PAPSS1: variants seen among roughly 807,000 people sequenced by gnomAD.
PAPSS1 encodes the protein bifunctional 3'-phosphoadenosine 5'-phosphosulfate synthase 1.
PAPSS1 carries 50 observed loss-of-function variants against 72.0 expected under a neutral mutation model. That is an observed-to-expected ratio of 0.69 (90% CI 0.55 to 0.88). The LOEUF is 0.88. Among genes scored for constraint, PAPSS1 ranks in the 40% least tolerant of loss-of-function variants. The probability of loss-of-function intolerance (pLI) is 0.00; values close to 1 mark genes in which losing one functional copy is unlikely to be tolerated. For missense variants in PAPSS1, 657 were observed against 782.2 expected (o/e 0.84, Z 1.91); for synonymous variants, 261 against 263.6 (o/e 0.99, Z 0.09).
chr4:107,686,263 A>G (rs564259588), intron 4 of PAPSS1, among the ~76,000 whole-genome samples: 3 of 152,300 alleles, frequency 2.0e-5, no homozygotes, highest in South Asian at 2.1e-4. Flanking sequence ...TGAACACCAA[A>G]ATGTGAGGAT....
At chr4:107,643,790 T>C (rs1158274089) in intron 10 of PAPSS1, among the ~76,000 whole-genome samples, 1 of 152,220 alleles carries the variant, frequency 6.6e-6, no homozygotes, top group Non-Finnish European at 1.5e-5. Context: ...TTTACTTGCA[T>C]CTATGAAAGA....
At chr4:107,711,683 T>G (rs1375435227) in intron 1 of PAPSS1, among the ~76,000 whole-genome samples, 1 of 152,218 alleles carries the variant, frequency 6.6e-6, no homozygotes, top group African/African-American at 2.4e-5. Flanking sequence ...AGACACAATA[T>G]GGATGAAACT....
chr4:107,640,254 A>G (rs1726500921), intron 10 of PAPSS1, among the ~76,000 whole-genome samples: 3 of 152,184 alleles, frequency 2.0e-5, no homozygotes, highest in Non-Finnish European at 4.4e-5. Flanking sequence ...TAGAAAGTTA[A>G]CACTCCCTTC....
intron 1 of PAPSS1, among the ~76,000 whole-genome samples, chr4:107,714,864 A>C (rs1433659270): frequency 6.6e-6 from 1 of 152,140 alleles, no homozygotes; most frequent in Non-Finnish European, 1.5e-5. Flanking sequence ...AAATCTGAAG[A>C]AGCAACTACG....
At chr4:107,692,627 A>C (rs890114161) in intron 3 of PAPSS1, among the ~76,000 whole-genome samples, 2 of 152,212 alleles carry the variant, frequency 1.3e-5, no homozygotes, top group African/African-American at 4.8e-5. Flanking sequence ...CAGCAATCCC[A>C]GTACTGAGTA....
chr4:107,685,671 T>C (rs1722764805), intron 4 of PAPSS1, among the ~76,000 whole-genome samples: 1 of 152,250 alleles, frequency 6.6e-6, no homozygotes, highest in East Asian at 1.9e-4. Flanking sequence ...TGATTCTCCA[T>C]AGTGGCATTA....
intron 1 of PAPSS1, among the ~76,000 whole-genome samples, chr4:107,709,189 A>G (rs1723424185): frequency 6.6e-6 from 1 of 152,256 alleles, no homozygotes; most frequent in Admixed American, 6.5e-5. Flanking sequence ...ATTAAAAAAT[A>G]AACTTAAAAA....
At chr4:107,633,534 T>C (rs1274289748) in intron 10 of PAPSS1, among the ~76,000 whole-genome samples, 3 of 151,996 alleles carry the variant, frequency 2.0e-5, no homozygotes, top group Non-Finnish European at 4.4e-5. Flanking sequence ...TGTGTGTGTA[T>C]GTGTGTAAAG....
At chr4:107,615,310 T>A (rs1725791639) in intron 11 of PAPSS1, among the ~76,000 whole-genome samples, 1 of 152,164 alleles carries the variant, frequency 6.6e-6, no homozygotes, top group African/African-American at 2.4e-5. Context: ...GATGGCCAAC[T>A]AGGACTCAGC....
At chr4:107,694,031 T>C (rs539074162) in intron 2 of PAPSS1, 25 bp from the exon 3 acceptor site, 2 of 1,487,602 alleles carry the variant, frequency 1.3e-6, no homozygotes, top group South Asian at 2.3e-5. Flanking sequence ...TCCAAACAGA[T>C]TCCATGTGTA....
intron 10 of PAPSS1, among the ~76,000 whole-genome samples, chr4:107,643,195 G>A (rs573151707): frequency 5.9e-4 from 90 of 152,306 alleles, no homozygotes; most frequent in Non-Finnish European, 1.1e-3. Flanking sequence ...CTGAATTACA[G>A]AAATACTAAA....
At chr4:107,648,891 G>C (rs1273255312) in intron 9 of PAPSS1, among the ~76,000 whole-genome samples, 1 of 152,146 alleles carries the variant, frequency 6.6e-6, no homozygotes, top group African/African-American at 2.4e-5. Context: ...TAAGAAGGTG[G>C]GGGGTGGAAA....
chr4:107,645,114 A>C, intron 9 of PAPSS1, 44 bp from the exon 10 acceptor site: 1 of 1,397,012 alleles, frequency 7.2e-7, no homozygotes, highest in Non-Finnish European at 9.4e-7. Context: ...TGTTTCTAAC[A>C]GATTACTTTC....
intron 11 of PAPSS1, among the ~76,000 whole-genome samples, chr4:107,617,890 A>G (rs567982874): frequency 6.6e-6 from 1 of 152,332 alleles, no homozygotes; most frequent in African/African-American, 2.4e-5. Context: ...TGGTTACTAT[A>G]GTTCAAAATA....
chr4:107,704,066 T>C (rs1723275195), intron 1 of PAPSS1, among the ~76,000 whole-genome samples: 1 of 152,238 alleles, frequency 6.6e-6, no homozygotes, highest in African/African-American at 2.4e-5. Flanking sequence ...CTTACTTCCT[T>C]GGTTAAATGT....
At chr4:107,687,907 C>A (rs1025510071) in intron 3 of PAPSS1, among the ~76,000 whole-genome samples, 5 of 151,486 alleles carry the variant, frequency 3.3e-5, no homozygotes, top group Non-Finnish European at 4.4e-5. Flanking sequence ...CATTTGCCAT[C>A]TTCCTTATGG....
chr4:107,673,472 T>C (rs201185365), intron 5 of PAPSS1, among the ~76,000 whole-genome samples: 1 of 151,836 alleles, frequency 6.6e-6, no homozygotes, highest in Non-Finnish European at 1.5e-5. Context: ...TGATGGAAGA[T>C]TAAATGAATG....
intron 2 of PAPSS1, among the ~76,000 whole-genome samples, chr4:107,699,192 A>C (rs1231193954): frequency 6.6e-6 from 1 of 152,188 alleles, no homozygotes; most frequent in East Asian, 1.9e-4. Flanking sequence ...GATACAATGC[A>C]ATCCCAAACT....
intron 1 of PAPSS1, among the ~76,000 whole-genome samples, chr4:107,715,755 T>A (rs1354895564): frequency 6.6e-6 from 1 of 152,228 alleles, no homozygotes; most frequent in Non-Finnish European, 1.5e-5. Context: ...AGTTTAAGTG[T>A]TAAATATTTG....
Sources: gnomAD v4.1 joint callset for allele counts (sites outside exome capture counted in the v4.1 genomes callset) on GRCh38, gnomAD v4.1.1 for gene constraint, MANE v1.5 for transcripts, NCBI Gene and HGNC (gene_info 2026-07-23, HGNC 2026-07-21) for gene names.